The following SHTN1 variants were observed in gnomAD, a reference collection of about 807,000 sequenced individuals.
The protein encoded by SHTN1 is shootin-1.
In SHTN1, 42 loss-of-function variants were observed where a neutral mutation model predicts 83.1. The observed-to-expected ratio is 0.51, with a 90% CI of 0.39 to 0.65. The LOEUF is 0.65. Ranked by LOEUF, SHTN1 falls within the 30% of genes least tolerant of loss-of-function variation. The probability of loss-of-function intolerance (pLI) is 0.00; values close to 1 mark genes in which losing one functional copy is unlikely to be tolerated. For synonymous variants in SHTN1, 224 were observed against 247.7 expected (o/e 0.90, Z 0.90); for missense variants, 622 against 737.8 (o/e 0.84, Z 1.82).
At chr10:116,993,724 G>C (rs572319563) in intron 1 of SHTN1, among the ~76,000 whole-genome samples, 1 of 152,194 alleles carries the variant, frequency 6.6e-6, no homozygotes, top group Admixed American at 6.5e-5. Flanking sequence ...AACAGATACA[G>C]CAGGATAAGA....
At chr10:117,120,452 A>G (rs891178608) in intron 1 of SHTN1, among the ~76,000 whole-genome samples, 1 of 151,860 alleles carries the variant, frequency 6.6e-6, no homozygotes, top group African/African-American at 2.4e-5. Flanking sequence ...GTTTTACCAT[A>G]TTGGCCAGGC....
At chr10:116,895,343 C>T (rs1294270773) in intron 16 of SHTN1, among the ~76,000 whole-genome samples, 1 of 152,180 alleles carries the variant, frequency 6.6e-6, no homozygotes, top group Non-Finnish European at 1.5e-5. Flanking sequence ...GGTATTCTGA[C>T]AGGCTAATTT....
In SHTN1 at chr10:117,024,356, T is replaced by TC. The variant is rs1852301264; in HGVS notation, c.-123+24088_-123+24089insG. Among the ~76,000 whole-genome samples, 3 of 142,122 alleles carry TC rather than the reference T, an allele frequency of 2.1e-5. No individual in the cohort carries two copies. In the East Asian group the frequency reaches 6.2e-4, roughly 29 times the overall value. The allele number at this position is 142,122 out of a possible 152,430, so 93.2% of individuals were successfully genotyped here. ...CACTTGTCAAAACTTTTCTTTTTTT[T>TC]TTTTTTTTTTTTTTTTGAGACGGAG... is the stretch of plus-strand genomic sequence containing the variant. On this transcript the variant is annotated intron_variant, in intron 2 of 17. Transcript: ENST00000392901.
chr10:116,911,717 C>T, intron 14 of SHTN1, 73 bp downstream of exon 14: 1 of 1,580,140 alleles, frequency 6.3e-7, no homozygotes, highest in Non-Finnish European at 8.7e-7. Flanking sequence ...AAACAATTCA[C>T]AAAAAACAGA....
chr10:116,919,617 TC>T (rs1440432083), intron 12 of SHTN1, among the ~76,000 whole-genome samples: 1 of 152,102 alleles, frequency 6.6e-6, no homozygotes, highest in African/African-American at 2.4e-5. Context: ...TATTCCAATT[TC>T]CCCCCAACCC....
Position 117,100,663 on chromosome 10 carries a change from C to T in SHTN1, c.-189+25644G>A, listed in dbSNP as rs185989326. 5.9e-5 allele frequency among the ~76,000 whole-genome samples: 9 copies of T among 152,288 alleles called. No homozygotes were observed. In the East Asian group the frequency reaches 1.7e-3, roughly 29 times the overall value. ...CAAAAGCACAGGCTGAAAGGTTACA[C>T]TGTGCTTATCCTCAAAGCAAAGGGC... On this transcript the variant is annotated intron_variant, in intron 1 of 17. Transcript: ENST00000392901.
In SHTN1 at chr10:116,900,926, A is replaced by G. The variant is rs904209559; in HGVS notation, c.1673+839T>C. 3.0e-6 allele frequency: 3 copies of G among 985,344 alleles called. No homozygotes were observed. In the African/African-American group the frequency reaches 5.2e-5, roughly 17 times the overall value. 61.0% of individuals were successfully genotyped at this position (985,344 alleles called of 1,614,324 possible). A position where few individuals can be genotyped will look rare whatever the true frequency, so the allele number is the denominator to read the frequency against. ...AGAAAATACCAGTTGGCAAAAATAG[A>G]TCCAAATTGAATTCCAACTTCATTT... On this transcript the variant is annotated intron_variant, in intron 16 of 16. Coordinates refer to ENST00000355371, the MANE Select transcript of SHTN1 (RefSeq NM_001127211.3).
chr10:117,079,455 GT>G (rs1853223591), intron 1 of SHTN1, among the ~76,000 whole-genome samples: 1 of 106,994 alleles, frequency 9.3e-6, no homozygotes, highest in South Asian at 3.6e-4. Context: ...ATTTGGGTTG[GT>G]TCCAAGTCTT....
intron 1 of SHTN1, among the ~76,000 whole-genome samples, chr10:117,066,182 C>T (rs1479990578): frequency 2.0e-5 from 3 of 152,126 alleles, no homozygotes; most frequent in African/African-American, 7.2e-5. Flanking sequence ...CTTTTGAAAA[C>T]TTTGCTTACA....
intron 3 of SHTN1, 81 bp downstream of exon 3, chr10:116,968,571 A>G: frequency 1.0e-6 from 1 of 992,476 alleles, no homozygotes; most frequent in Non-Finnish European, 1.5e-6. Flanking sequence ...GACATTAGCA[A>G]CTCAATAGGG....
chr10:117,045,985 C>T (rs940068860), intron 2 of SHTN1, among the ~76,000 whole-genome samples: 7 of 152,062 alleles, frequency 4.6e-5, no homozygotes. Context: ...GAAATGAAAA[C>T]TGTCTTTCAC....
exon 1 of SHTN1, chr10:117,126,374 G>T: frequency 5.8e-6 from 1 of 173,602 alleles, no homozygotes; most frequent in Non-Finnish European, 1.2e-5. Flanking sequence ...TGAGGTGCCG[G>T]GTCCAGGCTC....
chr10:116,901,148 G>C (rs550270558), intron 16 of SHTN1: 6 of 985,314 alleles, frequency 6.1e-6, no homozygotes, highest in East Asian at 2.3e-4. Flanking sequence ...CAAAACTGTA[G>C]ACTAATTTCA....
At chr10:117,021,339 A>C (rs1212926635) in intron 2 of SHTN1, among the ~76,000 whole-genome samples, 1 of 152,162 alleles carries the variant, frequency 6.6e-6, no homozygotes, top group Admixed American at 6.5e-5. Context: ...CTGGAGGTAG[A>C]GGTTGCAGTG....
chr10:116,980,762 A>T (rs1319948306), intron 1 of SHTN1, among the ~76,000 whole-genome samples: 2 of 152,200 alleles, frequency 1.3e-5, no homozygotes, highest in Non-Finnish European at 2.9e-5. Flanking sequence ...AACATGGTAA[A>T]GCACATGCCT....
intron 1 of SHTN1, among the ~76,000 whole-genome samples, chr10:116,986,506 C>T (rs1397517988): frequency 2.0e-5 from 3 of 151,946 alleles, no homozygotes; most frequent in African/African-American, 4.8e-5. Context: ...GGCCCCTAAA[C>T]TTTTGTGAGT....
chr10:117,096,518 GT>G (rs1399599092), intron 1 of SHTN1, among the ~76,000 whole-genome samples: 1 of 152,208 alleles, frequency 6.6e-6, no homozygotes, highest in Non-Finnish European at 1.5e-5. Flanking sequence ...AGGCTATATT[GT>G]GAGAGCATCC....
At chr10:116,961,792 G>C (rs561697478) in intron 3 of SHTN1, among the ~76,000 whole-genome samples, 1 of 152,294 alleles carries the variant, frequency 6.6e-6, no homozygotes, top group Admixed American at 6.5e-5. Context: ...CCTTAATTGA[G>C]AGTTTCTTTG....
Position 116,911,842 on chromosome 10 carries a change from G to C in SHTN1, c.1307C>G (p.Pro436Arg), listed in dbSNP as rs1222989048. 2 of 1,609,624 alleles carry C rather than the reference G, an allele frequency of 1.2e-6. No homozygotes were observed. The highest frequency in any genetic ancestry group is 4.5e-5 in the East Asian group (2 of 44,832). The change falls in exon 14 of 17, where the codon CCA becomes CGA. Residue 436 changes from proline to arginine, a missense_variant and splice_region_variant. This residue lies in a region of SHTN1 where 231 missense variants were observed against 251.6 expected (regional missense o/e 0.92). Transcript: ENST00000355371. ...ACTTTCGCAGCCTTTCGAAGATTCT[G>C]GCTATAATTTTAATAAGAAAGAAAA... ...VNQTARPKTK[P>R]ESSKGCESAV...
Sources: allele counts gnomAD v4.1 joint callset (sites outside exome capture counted in the v4.1 genomes callset), GRCh38; gene constraint gnomAD v4.1.1; regional missense constraint gnomAD v4.1.1; transcripts MANE v1.5; gene names NCBI Gene and HGNC (gene_info 2026-07-23, HGNC 2026-07-21).